The following UBE2B variants were observed in gnomAD, a reference collection of about 807,000 sequenced individuals.
UBE2B encodes ubiquitin-conjugating enzyme E2 B.
A neutral mutation model predicts 24.6 loss-of-function variants in UBE2B; 11 were observed. The observed-to-expected ratio is 0.45, with a 90% CI of 0.28 to 0.74. The LOEUF is 0.74. Ranked by LOEUF, UBE2B falls within the 30% of genes least tolerant of loss-of-function variation. The pLI is 0.13. For synonymous variants in UBE2B, 68 were observed against 62.4 expected (o/e 1.09, Z -0.42); for missense variants, 78 against 185.6 (o/e 0.42, Z 3.37).
intron 2 of UBE2B, among the ~76,000 whole-genome samples, chr5:134,376,341 AAAAAAAAATAT>A (rs1207391352): frequency 1.4e-5 from 1 of 71,692 alleles, no homozygotes; most frequent in African/African-American, 5.7e-5. Context: ...AAAAAAAAAA[AAAAAAAAATAT>A]ATATATATAT....
chr5:134,380,605 G>A (rs546787483), intron 3 of UBE2B, 114 bp from the exon 4 acceptor site: 130 of 671,164 alleles, frequency 1.9e-4, no homozygotes, highest in Admixed American at 5.3e-4. Context: ...CCGAACCAAC[G>A]TTGACATACT....
intron 2 of UBE2B, among the ~76,000 whole-genome samples, chr5:134,375,524 G>A (rs969887457): frequency 1.3e-5 from 2 of 152,052 alleles, no homozygotes; most frequent in African/African-American, 4.8e-5. Flanking sequence ...TGAATACATG[G>A]CACCTTCAGG....
At chr5:134,389,145 G>T (rs527749186) in intron 5 of UBE2B, 1 of 210,194 alleles carries the variant, frequency 4.8e-6, no homozygotes, top group Non-Finnish European at 9.8e-6. Context: ...TAGAGATGGG[G>T]TTTCACAGTG....
chr5:134,377,598 A>G lies in UBE2B; in HGVS notation c.151+904A>G, dbSNP rs565913172. 2.1e-4 allele frequency among the ~76,000 whole-genome samples: 32 copies of G among 152,314 alleles called. No homozygotes were observed. In the South Asian group the frequency reaches 5.2e-3, roughly 25 times the overall value. On this transcript the variant is annotated intron_variant, in intron 3 of 5. Transcript: ENST00000265339. ...TTAAAGGGTTATATATCAAACTGTT[A>G]CCAGTGATTATCTGTGGGGGGGGTA...
At chr5:134,378,426 AT>A in intron 3 of UBE2B, among the ~76,000 whole-genome samples, 1 of 152,110 alleles carries the variant, frequency 6.6e-6, no homozygotes, top group Non-Finnish European at 1.5e-5. Flanking sequence ...TGCCCGGCTA[AT>A]TTTTGTATTT....
chr5:134,381,659 CA>C (rs1351455018), intron 4 of UBE2B, among the ~76,000 whole-genome samples: 2 of 152,148 alleles, frequency 1.3e-5, no homozygotes, highest in Non-Finnish European at 2.9e-5. Context: ...AAAAGTAATA[CA>C]TGGTCGGGCA....
At chr5:134,373,446 A>G (rs375654709) in intron 1 of UBE2B, among the ~76,000 whole-genome samples, 2 of 152,166 alleles carry the variant, frequency 1.3e-5, no homozygotes, top group South Asian at 2.1e-4. Context: ...TTTTTTTGGT[A>G]TAAGAGGACA....
Position 134,391,722 on chromosome 5 carries a change from G to A in UBE2B, c.*1369G>A, listed in dbSNP as rs1758901191. The A allele has an allele frequency of 6.6e-6, 1 of 152,242 alleles. No homozygotes were observed. Among genetic ancestry groups the A allele is most frequent in the Non-Finnish European group, 1.5e-5 (1 of 68,038 alleles). 9.4% of individuals were successfully genotyped at this position (152,242 alleles called of 1,614,324 possible). A position where few individuals can be genotyped will look rare whatever the true frequency, so the allele number is the denominator to read the frequency against. On this transcript the variant is annotated 3_prime_UTR_variant, in exon 6 of 6. Coordinates refer to ENST00000265339, the MANE Select transcript of UBE2B (RefSeq NM_003337.4). ...TCCCACCTGTAGTCCCAGCACTTTG[G>A]GAGGCAAAGGCGGGAGGATCACTTG... is the stretch of plus-strand genomic sequence containing the variant.
intron 4 of UBE2B, among the ~76,000 whole-genome samples, chr5:134,384,653 T>C (rs1758767117): frequency 6.6e-6 from 1 of 152,184 alleles, no homozygotes; most frequent in African/African-American, 2.4e-5. Context: ...TTCTGCTGAG[T>C]ACTTTTTTAT....
chr5:134,378,750 A>G (rs1440661700), intron 3 of UBE2B, among the ~76,000 whole-genome samples: 1 of 152,070 alleles, frequency 6.6e-6, no homozygotes, highest in East Asian at 1.9e-4. Context: ...GTTTGAATAT[A>G]TGGCAGACAT....
chr5:134,371,847 C>A (rs1054393830), intron 1 of UBE2B, among the ~76,000 whole-genome samples: 1 of 152,188 alleles, frequency 6.6e-6, no homozygotes, highest in Non-Finnish European at 1.5e-5. Context: ...TACTGCTTCC[C>A]CTCCCCACAA....
chr5:134,374,059 T>C (rs987130043), intron 1 of UBE2B, among the ~76,000 whole-genome samples: 1 of 152,170 alleles, frequency 6.6e-6, no homozygotes, highest in Non-Finnish European at 1.5e-5. Context: ...GGAATCGCCA[T>C]ACTGTCTTCC....
intron 1 of UBE2B, among the ~76,000 whole-genome samples, chr5:134,372,013 C>T (rs1041286139): frequency 6.6e-6 from 1 of 152,234 alleles, no homozygotes; most frequent in Non-Finnish European, 1.5e-5. Flanking sequence ...CCTGCGGGAG[C>T]TTGTTCCTCT....
rs139222317 is a variant in UBE2B, at chr5:134,379,854, T to C, written c.152-865T>C. Among the ~76,000 whole-genome samples the C allele has an allele frequency of 6.2e-4, 94 of 152,206 alleles. 1 individual carries two copies. Among genetic ancestry groups the C allele is most frequent in the African/African-American group, 2.0e-3 (84 of 41,544 alleles). On this transcript the variant is annotated intron_variant, in intron 3 of 5. Coordinates refer to ENST00000265339, the MANE Select transcript of UBE2B (RefSeq NM_003337.4). ...ATATGTAAAACATTGCTTACACTTA[T>C]CACCAACTTGGGGAGAAATATAATT... is the stretch of plus-strand genomic sequence containing the variant.
At chr5:134,373,653 G>A (rs971157260) in intron 1 of UBE2B, among the ~76,000 whole-genome samples, 3 of 152,024 alleles carry the variant, frequency 2.0e-5, no homozygotes, top group African/African-American at 7.3e-5. Flanking sequence ...CCCCACAACA[G>A]GCCCCTGTGT....
At position 134,390,323 on chromosome 5, in the gene UBE2B, C is replaced by T; in HGVS notation, c.429C>T (p.Ala143=). 6.2e-7 allele frequency: 1 copy of T among 1,614,010 alleles called. No individual in the cohort carries two copies. The highest frequency in any genetic ancestry group is 1.1e-5 in the South Asian group (1 of 91,054). Residue 143 remains alanine (A), a synonymous_variant, in exon 6 of 6, where the codon GCC becomes GCT. Coordinates refer to ENST00000265339, the MANE Select transcript of UBE2B (RefSeq NM_003337.4). This position sits in a 1 kb window ranked among gnomAD's most constrained non-coding sequence, Gnocchi z 4.6. ...NKREYEKRVS[A]IVEQSWNDS is the part of the protein sequence containing the mutation. ...GAGAATATGAGAAAAGAGTTTCGGC[C>T]ATTGTTGAACAAAGCTGGAATGATT...
intron 4 of UBE2B, among the ~76,000 whole-genome samples, chr5:134,382,264 G>C (rs1339467857): frequency 6.6e-6 from 1 of 151,648 alleles, no homozygotes; most frequent in African/African-American, 2.4e-5. Context: ...ACCAGCCTGG[G>C]CAACATAGCG....
intron 4 of UBE2B, among the ~76,000 whole-genome samples, chr5:134,382,877 A>G (rs1718806336): frequency 6.6e-6 from 1 of 152,066 alleles, no homozygotes; most frequent in Non-Finnish European, 1.5e-5. Context: ...TCCTTAATAA[A>G]TATTCTGGGC....
intron 2 of UBE2B, among the ~76,000 whole-genome samples, chr5:134,376,102 G>A (rs1198763274): frequency 1.3e-5 from 2 of 150,742 alleles, no homozygotes; most frequent in Non-Finnish European, 2.9e-5. Flanking sequence ...GGGAGGCTGC[G>A]ATGAGTGGAT....
Sources: gnomAD v4.1 joint callset for allele counts (sites outside exome capture counted in the v4.1 genomes callset) on GRCh38, gnomAD v4.1.1 for gene constraint, Gnocchi (gnomAD v3.1) non-coding constraint, MANE v1.5 for transcripts, NCBI Gene and HGNC (gene_info 2026-07-23, HGNC 2026-07-21) for gene names.